Variants in TMEM45A observed in about 807,000 individuals in gnomAD.
TMEM45A encodes the protein transmembrane protein 45A.
Under a neutral mutation model 32.0 loss-of-function variants are expected in TMEM45A, and 25 were observed. The observed-to-expected ratio is 0.78, with a 90% CI of 0.57 to 1.09. The LOEUF (loss-of-function observed/expected upper bound fraction) is 1.09. TMEM45A is among the 50% of genes least tolerant of loss of function. TMEM45A has a pLI of 0.00. For missense variants in TMEM45A, 302 were observed against 325.0 expected (o/e 0.93, Z 0.54); for synonymous variants, 122 against 114.8 (o/e 1.06, Z -0.40).
intron 1 of TMEM45A, among the ~76,000 whole-genome samples, chr3:100,547,130 T>C (rs761793433): frequency 1.1e-4 from 16 of 152,130 alleles, no homozygotes; most frequent in South Asian, 4.1e-4. Context: ...GTATTTTTTT[T>C]CTTTTTTTTG....
At chr3:100,504,561 A>C (rs1358614296) in intron 1 of TMEM45A, among the ~76,000 whole-genome samples, 1 of 152,078 alleles carries the variant, frequency 6.6e-6, no homozygotes, top group Non-Finnish European at 1.5e-5. Flanking sequence ...AAATCCAGAT[A>C]TTTACCAACG....
At chr3:100,552,640 C>G (rs1306608511) in intron 1 of TMEM45A, among the ~76,000 whole-genome samples, 2 of 152,144 alleles carry the variant, frequency 1.3e-5, no homozygotes, top group African/African-American at 4.8e-5. Context: ...TATTTTCTGG[C>G]AGTAGGTGGG....
At chr3:100,544,127 T>C (rs1030008226) in intron 1 of TMEM45A, among the ~76,000 whole-genome samples, 3 of 152,110 alleles carry the variant, frequency 2.0e-5, no homozygotes, top group African/African-American at 7.2e-5. Flanking sequence ...TTTGCTTTTG[T>C]ACATGATAAA....
At chr3:100,550,036 G>A (rs1269415961) in intron 1 of TMEM45A, among the ~76,000 whole-genome samples, 1 of 132,138 alleles carries the variant, frequency 7.6e-6, no homozygotes, top group African/African-American at 2.9e-5. Flanking sequence ...CACACTCTGG[G>A]GACTGTGGTG....
chr3:100,526,855 G>A (rs1705554905), intron 1 of TMEM45A, among the ~76,000 whole-genome samples: 1 of 152,312 alleles, frequency 6.6e-6, no homozygotes, highest in South Asian at 2.1e-4. Context: ...GAAGCTTTAA[G>A]TAGAAGGAAG....
chr3:100,564,488 T>TC (rs1215533076), intron 4 of TMEM45A, among the ~76,000 whole-genome samples: 1 of 151,660 alleles, frequency 6.6e-6, no homozygotes, highest in African/African-American at 2.4e-5. Flanking sequence ...TTTTTTTTTT[T>TC]CCTTTGAGAC....
At position 100,556,787 on chromosome 3, in the gene TMEM45A, G is replaced by T; in HGVS notation, c.218G>T (p.Gly73Val). Residue 73 changes from glycine to valine, a missense_variant, in exon 3 of 6, where the codon GGA becomes GTA. Gly to Val is a moderately radical substitution (Grantham distance 109). Coordinates refer to ENST00000323523, the MANE Select transcript of TMEM45A (RefSeq NM_018004.3). ...ATGGCTGGGGAGCAGTTTATTCCTG[G>T]AGGGCCCCATCTGATGTTATATGAC... Reference protein sequence around the residue: ...TGMAGEQFIPGGPHLMLYDYK... With the variant: ...TGMAGEQFIPVGPHLMLYDYK... The T allele has an allele frequency of 6.2e-7, 1 of 1,613,768 alleles. No homozygotes were observed. Among genetic ancestry groups the T allele is most frequent in the Non-Finnish European group, 8.5e-7 (1 of 1,179,866 alleles).
intron 1 of TMEM45A, among the ~76,000 whole-genome samples, chr3:100,550,208 GA>G (rs896631204): frequency 1.6e-4 from 10 of 62,968 alleles, no homozygotes; most frequent in Admixed American, 2.0e-4. Flanking sequence ...AAAAAAAAAA[GA>G]AAAAAAAATA....
At chr3:100,541,524 CTTTTT>C (rs61341173) in intron 1 of TMEM45A, among the ~76,000 whole-genome samples, 1 of 111,262 alleles carries the variant, frequency 9.0e-6, no homozygotes. Context: ...CTTTTCTTTC[CTTTTT>C]TTTTTTTTTT....
At chr3:100,503,090 TTCTTCC>T (rs749480707) in intron 1 of TMEM45A, among the ~76,000 whole-genome samples, 54 of 151,752 alleles carry the variant, frequency 3.6e-4, no homozygotes, top group South Asian at 1.1e-3. Context: ...CTTCTTCCTC[TTCTTCC>T]TCTTCCTCTT....
chr3:100,535,688 C>G (rs951850292), intron 1 of TMEM45A, among the ~76,000 whole-genome samples: 2 of 152,132 alleles, frequency 1.3e-5, no homozygotes, highest in Non-Finnish European at 2.9e-5. Flanking sequence ...AGTCCTTGGC[C>G]TCATATATGC....
At chr3:100,509,710 G>T (rs1355249794) in intron 1 of TMEM45A, among the ~76,000 whole-genome samples, 1 of 152,188 alleles carries the variant, frequency 6.6e-6, no homozygotes, top group East Asian at 1.9e-4. Flanking sequence ...GAGGTACCGG[G>T]TTCATCTCAC....
rs752348050 is a variant in TMEM45A, at chr3:100,568,842, C to A, written c.609C>A (p.Pro203=). Residue 203 remains proline (P), a synonymous_variant, in exon 5 of 6, where the codon CCC becomes CCA. Transcript: ENST00000323523. ...TACAGATTGGATTTGTCCTGTATCCCCCCAGTGGAGGTCCTGCATGGGATC... is the reference window on the plus strand; with the variant it reads ...TACAGATTGGATTTGTCCTGTATCCACCCAGTGGAGGTCCTGCATGGGATC... The part of the protein sequence containing the change: ...WFFQIGFVLY[P]PSGGPAWDLM... 5 of 1,612,686 alleles carry A rather than the reference C, an allele frequency of 3.1e-6. No homozygotes were observed. In the South Asian group the frequency reaches 4.4e-5, roughly 14 times the overall value.
At position 100,539,450 on chromosome 3, in the gene TMEM45A, T is replaced by TATGCATATGCATATGCATATGC. The variant is rs60074458; in HGVS notation, c.-3-15757_-3-15756insGCATATGCATATGCATATGCAT. 9.5e-4 allele frequency among the ~76,000 whole-genome samples: 109 copies of TATGCATATGCATATGCATATGC among 115,052 alleles called. 5 individuals carry two copies. Among genetic ancestry groups the TATGCATATGCATATGCATATGC allele is most frequent in the Non-Finnish European group, 1.2e-3 (68 of 57,296 alleles). The allele number at this position is 115,052 out of a possible 152,430, so 75.5% of individuals were successfully genotyped here. On this transcript the variant is annotated intron_variant, in intron 1 of 5. Transcript: ENST00000323523. Reference sequence around the variant, plus strand: ...CCAATAGGATATGTATATGTATATGTATATGTATATGTATATGTATATGTA... The same window carrying TATGCATATGCATATGCATATGC: ...CCAATAGGATATGTATATGTATATGTATGCATATGCATATGCATATGCATATGTATATGTATATGTATATGTA...
chr3:100,542,299 T>C (rs1705898795), intron 1 of TMEM45A, among the ~76,000 whole-genome samples: 1 of 152,228 alleles, frequency 6.6e-6, no homozygotes, highest in Non-Finnish European at 1.5e-5. Flanking sequence ...GGAATGTTTT[T>C]CCATTTGTTT....
chr3:100,509,699 T>A (rs992609378), intron 1 of TMEM45A, among the ~76,000 whole-genome samples: 2 of 152,196 alleles, frequency 1.3e-5, no homozygotes, highest in African/African-American at 2.4e-5. Context: ...CATTTCCATC[T>A]GAGGTACCGG....
chr3:100,558,870 T>G (rs1706274685), intron 4 of TMEM45A, among the ~76,000 whole-genome samples: 1 of 152,200 alleles, frequency 6.6e-6, no homozygotes, highest in African/African-American at 2.4e-5. Context: ...CTTCTGACAC[T>G]AAAGCAGCTT....
chr3:100,499,686 A>T (rs1401912537), intron 1 of TMEM45A, among the ~76,000 whole-genome samples: 43 of 152,116 alleles, frequency 2.8e-4, no homozygotes, highest in Admixed American at 2.8e-3. Context: ...AGACCAGCCT[A>T]AGCAACATAG....
intron 1 of TMEM45A, among the ~76,000 whole-genome samples, chr3:100,493,770 C>T (rs936770307): frequency 2.0e-5 from 3 of 152,066 alleles, no homozygotes; most frequent in African/African-American, 4.8e-5. Context: ...TCACTCTTGT[C>T]GCCAAGGCTG....
Sources: allele counts gnomAD v4.1 joint callset (sites outside exome capture counted in the v4.1 genomes callset), GRCh38; gene constraint gnomAD v4.1.1; transcripts MANE v1.5; gene names NCBI Gene and HGNC (gene_info 2026-07-23, HGNC 2026-07-21).